Variants in CGNL1 observed in about 807,000 individuals in gnomAD.
CGNL1 encodes the protein cingulin-like protein 1.
Under a neutral mutation model 141.2 loss-of-function variants are expected in CGNL1, and 132 were observed. The observed-to-expected ratio is 0.93, with a 90% CI of 0.81 to 1.08. The LOEUF is 1.08. Among genes scored for constraint, CGNL1 ranks in the 50% least tolerant of loss-of-function variants. The pLI, the probability that CGNL1 is intolerant of heterozygous loss-of-function variation, is 0.00. For synonymous variants in CGNL1, 690 were observed against 622.1 expected, an observed-to-expected ratio of 1.11 and a Z score of -1.63; for missense variants, 1,870 against 1,588.6, an observed-to-expected ratio of 1.18 and a Z score of -3.01.
intron 8 of CGNL1, among the ~76,000 whole-genome samples, chr15:57,516,411 G>A (rs369946535): frequency 2.0e-5 from 3 of 152,174 alleles, no homozygotes; most frequent in East Asian, 3.9e-4. Context: ...CCCGTGTAAA[G>A]ATCTTAACAC....
intron 8 of CGNL1, among the ~76,000 whole-genome samples, chr15:57,486,631 G>A (rs1054473621): frequency 1.3e-5 from 2 of 152,116 alleles, no homozygotes; most frequent in Non-Finnish European, 2.9e-5. Context: ...CAGCTTTTAC[G>A]TTAGGTGACT....
At chr15:57,503,575 C>A (rs2064057896) in intron 8 of CGNL1, among the ~76,000 whole-genome samples, 1 of 152,120 alleles carries the variant, frequency 6.6e-6, no homozygotes, top group African/African-American at 2.4e-5. Flanking sequence ...TCAGGGCAGG[C>A]TGGCTAAAGG....
chr15:57,393,643 G>A (rs186936726), intron 1 of CGNL1, among the ~76,000 whole-genome samples: 3 of 151,858 alleles, frequency 2.0e-5, no homozygotes, highest in Non-Finnish European at 4.4e-5. Flanking sequence ...ATGTTCCAGA[G>A]TAGCCCCGAG....
intron 1 of CGNL1, among the ~76,000 whole-genome samples, chr15:57,428,813 A>T (rs1328950056): frequency 2.6e-5 from 4 of 152,266 alleles, no homozygotes; most frequent in South Asian, 2.1e-4. Flanking sequence ...TCATGAGGTC[A>T]GGAGATCGAG....
intron 6 of CGNL1, 44 bp downstream of exon 6, chr15:57,452,333 A>G (rs142672640): frequency 1.8e-5 from 28 of 1,575,288 alleles, no homozygotes; most frequent in Middle Eastern, 1.7e-4. Context: ...CAGGTTCTCT[A>G]TGACATGTAG....
intron 8 of CGNL1, among the ~76,000 whole-genome samples, chr15:57,467,348 G>T (rs984143819): frequency 1.3e-5 from 2 of 152,172 alleles, no homozygotes; most frequent in Admixed American, 6.5e-5. Flanking sequence ...GACAGTATTT[G>T]AGTTGGATTT....
intron 8 of CGNL1, among the ~76,000 whole-genome samples, chr15:57,492,364 C>T (rs1374395676): frequency 6.6e-6 from 1 of 152,176 alleles, no homozygotes; most frequent in Admixed American, 6.5e-5. Flanking sequence ...CCAATCCTAC[C>T]TAATAACAGT....
intron 10 of CGNL1, among the ~76,000 whole-genome samples, chr15:57,520,924 C>A (rs955037246): frequency 3.3e-5 from 5 of 152,102 alleles, no homozygotes; most frequent in Non-Finnish European, 7.3e-5. Flanking sequence ...CCAATTGGGA[C>A]CTCAATCATA....
intron 13 of CGNL1, among the ~76,000 whole-genome samples, chr15:57,530,483 A>G (rs1217406080): frequency 1.3e-5 from 2 of 152,100 alleles, no homozygotes; most frequent in African/African-American, 2.4e-5. Context: ...ACTTAAATTA[A>G]TTTTCAAGAC....
intron 1 of CGNL1, among the ~76,000 whole-genome samples, chr15:57,429,512 G>A (rs2063019371): frequency 6.6e-6 from 1 of 152,176 alleles, no homozygotes; most frequent in South Asian, 2.1e-4. Flanking sequence ...AGCACAAACG[G>A]TGTGGATCTG....
chr15:57,397,786 CT>C (rs11386688), intron 1 of CGNL1, among the ~76,000 whole-genome samples: 17 of 147,392 alleles, frequency 1.2e-4, no homozygotes, highest in South Asian at 2.2e-4. Context: ...TAAATTTCCT[CT>C]TTTTTTTTTT....
intron 7 of CGNL1, 23 bp downstream of exon 7, chr15:57,453,841 G>A (rs2063349052): frequency 6.2e-7 from 1 of 1,611,564 alleles, no homozygotes; most frequent in Non-Finnish European, 8.5e-7. Flanking sequence ...GTGGGGTCAG[G>A]TGATAAGACA....
chr15:57,529,850 G>A (rs1436029101), intron 13 of CGNL1, among the ~76,000 whole-genome samples: 2 of 152,182 alleles, frequency 1.3e-5, no homozygotes, highest in African/African-American at 2.4e-5. Flanking sequence ...TTTATATCTA[G>A]GGAGTGTTGT....
intron 1 of CGNL1, among the ~76,000 whole-genome samples, chr15:57,381,389 G>C (rs556985888): frequency 1.3e-5 from 2 of 152,044 alleles, no homozygotes; most frequent in Admixed American, 6.6e-5. Flanking sequence ...CTGAAATACC[G>C]CCTCTACAAA....
intron 8 of CGNL1, among the ~76,000 whole-genome samples, chr15:57,507,328 C>G (rs2064116458): frequency 6.6e-6 from 1 of 152,184 alleles, no homozygotes; most frequent in Non-Finnish European, 1.5e-5. Context: ...CAAATGCATT[C>G]TGTGAGCAAA....
At chr15:57,447,921 G>C (rs1237890623) in intron 4 of CGNL1, among the ~76,000 whole-genome samples, 1 of 149,676 alleles carries the variant, frequency 6.7e-6, no homozygotes, top group Non-Finnish European at 1.5e-5. Context: ...TTGTTTTCTG[G>C]CTACGTCAAT....
chr15:57,402,673 A>C (rs561370378), intron 1 of CGNL1: 9 of 152,336 alleles, frequency 5.9e-5, no homozygotes, highest in Non-Finnish European at 1.3e-4. Flanking sequence ...TGTCTCCAAC[A>C]CCATCTTGAA....
chr15:57,524,437 T>C (rs2140140503), intron 11 of CGNL1, 144 bp from the exon 12 acceptor site: 1 of 756,372 alleles, frequency 1.3e-6, no homozygotes. Flanking sequence ...CACACCTGGC[T>C]GACTCAGGAT....
At position 57,499,108 on chromosome 15, in the gene CGNL1, C is replaced by T. The variant is rs142861769; in HGVS notation, c.2404-17672C>T. On this transcript the variant is annotated intron_variant, in intron 8 of 18. Transcript: ENST00000281282. Reference sequence around the variant, plus strand: ...GGCAGAAGAGGGGATGTGGGTAGACCAGCTTGGAGGGTCTTGCTGTTGCCC... The same window carrying T: ...GGCAGAAGAGGGGATGTGGGTAGACTAGCTTGGAGGGTCTTGCTGTTGCCC... 2.8e-3 allele frequency among the ~76,000 whole-genome samples: 432 copies of T among 152,028 alleles called. 3 individuals are homozygous for T. Among genetic ancestry groups the T allele is most frequent in the African/African-American group, 9.8e-3 (408 of 41,450 alleles).
Sources: allele counts gnomAD v4.1 joint callset (sites outside exome capture counted in the v4.1 genomes callset), GRCh38; gene constraint gnomAD v4.1.1; transcripts MANE v1.5; gene names NCBI Gene and HGNC (gene_info 2026-07-23, HGNC 2026-07-21).